Variants in SHISA9 observed in about 807,000 individuals in gnomAD.
SHISA9 encodes the protein protein shisa-9.
In SHISA9, 13 loss-of-function variants were observed where a neutral mutation model predicts 38.0. The ratio of observed to expected loss-of-function variants is 0.34; its 90% CI spans 0.22 to 0.54. The LOEUF (loss-of-function observed/expected upper bound fraction) is 0.54. Ranked by LOEUF, SHISA9 falls within the 20% of genes least tolerant of loss-of-function variation. SHISA9 has a pLI of 0.91. For missense variants in SHISA9, 538 were observed against 575.8 expected, an observed-to-expected ratio of 0.93 and a Z score of 0.67; for synonymous variants, 275 against 242.0, an observed-to-expected ratio of 1.14 and a Z score of -1.27.
intron 2 of SHISA9, among the ~76,000 whole-genome samples, chr16:13,029,483 T>C (rs371060740): frequency 6.6e-6 from 1 of 152,188 alleles, no homozygotes; most frequent in Non-Finnish European, 1.5e-5. Context: ...TGGCACACGC[T>C]TGTGGTCCGA....
chr16:13,203,656 G>T, intron 3 of SHISA9, 107 bp downstream of exon 3: 13 of 1,215,072 alleles, frequency 1.1e-5, no homozygotes, highest in South Asian at 4.3e-5. Context: ...CCTTTTTCTA[G>T]CTCTCTTTTT....
chr16:13,557,786 T>C, the SHISA9 span, among the ~76,000 whole-genome samples: 1 of 152,152 alleles, frequency 6.6e-6, no homozygotes, highest in Non-Finnish European at 1.5e-5. Flanking sequence ...AGGTCTGTCA[T>C]TCAAGATTCG....
At chr16:13,561,675 T>C in the SHISA9 span, among the ~76,000 whole-genome samples, 2 of 152,222 alleles carry the variant, frequency 1.3e-5, no homozygotes, top group Admixed American at 1.3e-4. Context: ...GCTCCATGAG[T>C]CTGCGGTGCC....
the SHISA9 span, among the ~76,000 whole-genome samples, chr16:13,531,331 C>T: frequency 1.1e-3 from 166 of 152,318 alleles, no homozygotes; most frequent in Non-Finnish European, 2.2e-3. Context: ...ATAAAAACAA[C>T]AGCAGCCACA....
At chr16:13,443,967 G>T in the SHISA9 span, among the ~76,000 whole-genome samples, 2 of 152,316 alleles carry the variant, frequency 1.3e-5, no homozygotes, top group Admixed American at 6.5e-5. Flanking sequence ...GCCTGGCAAG[G>T]CAATAATTGT....
the SHISA9 span, among the ~76,000 whole-genome samples, chr16:13,525,803 C>A: frequency 6.6e-6 from 1 of 152,202 alleles, no homozygotes; most frequent in African/African-American, 2.4e-5. Flanking sequence ...GGTTCACGTT[C>A]CACACTTTGG....
At chr16:13,125,821 A>G (rs916398093) in intron 2 of SHISA9, among the ~76,000 whole-genome samples, 1 of 152,196 alleles carries the variant, frequency 6.6e-6, no homozygotes, top group African/African-American at 2.4e-5. Flanking sequence ...TGCTCAAGAA[A>G]TATTTATTTG....
the SHISA9 span, among the ~76,000 whole-genome samples, chr16:13,556,990 T>A: frequency 1.3e-5 from 2 of 152,184 alleles, no homozygotes; most frequent in African/African-American, 4.8e-5. Flanking sequence ...GGTCCTGGAA[T>A]CAATCCCCTC....
At chr16:13,213,507 G>A (rs112408290) in intron 4 of SHISA9, among the ~76,000 whole-genome samples, 2 of 152,112 alleles carry the variant, frequency 1.3e-5, no homozygotes, top group South Asian at 2.1e-4. Flanking sequence ...GTTGGACAAC[G>A]TGGTAGCCCT....
Position 13,015,100 on chromosome 16 carries a change from C to T in SHISA9, c.691+98285C>T, listed in dbSNP as rs534178332. ...TCGTATGTGTAGGTATTGGGCTGTACGCTCTGTAGTTAGGAGTCAGCCACA... is the reference window on the plus strand; with the variant it reads ...TCGTATGTGTAGGTATTGGGCTGTATGCTCTGTAGTTAGGAGTCAGCCACA... On this transcript the variant is annotated intron_variant, in intron 2 of 4. Coordinates refer to ENST00000558583, the MANE Select transcript of SHISA9 (RefSeq NM_001145204.3). Among the ~76,000 whole-genome samples the T allele has an allele frequency of 1.3e-4, 20 of 152,300 alleles. No individual in the cohort carries two copies. The East Asian group carries it at 2.9e-3, about 22-fold the overall frequency.
intron 2 of SHISA9, among the ~76,000 whole-genome samples, chr16:13,098,931 G>A (rs2073852848): frequency 6.6e-6 from 1 of 152,228 alleles, no homozygotes; most frequent in South Asian, 2.1e-4. Context: ...AGTAAATAAA[G>A]GGATGAGTCA....
At chr16:13,044,936 T>C (rs1596608780) in intron 2 of SHISA9, among the ~76,000 whole-genome samples, 1 of 152,354 alleles carries the variant, frequency 6.6e-6, no homozygotes, top group East Asian at 1.9e-4. Context: ...TGAAAAGTGA[T>C]GTGCACATTC....
In SHISA9 at chr16:13,037,109, GACACACACACAC is replaced by G. The variant is rs1207707042; in HGVS notation, c.691+120331_691+120342del. ...CACACCACACACACACACACACACA[GACACACACACAC>G]ACACACACACACACACACACACACA... On this transcript the variant is annotated intron_variant, in intron 2 of 4. Transcript: ENST00000558583. Among the ~76,000 whole-genome samples the G allele has an allele frequency of 5.4e-3, 564 of 105,288 alleles. 15 individuals are homozygous for G. Among genetic ancestry groups the G allele is most frequent in the African/African-American group, 0.017 (474 of 28,466 alleles). The allele number at this position is 105,288 out of a possible 152,430, so 69.1% of individuals were successfully genotyped here.
At chr16:13,491,477 C>T in the SHISA9 span, among the ~76,000 whole-genome samples, 10 of 150,106 alleles carry the variant, frequency 6.7e-5, no homozygotes, top group East Asian at 8.1e-4. Context: ...GTAGCTTACT[C>T]ATAAGAGGGC....
At chr16:13,012,322 G>C (rs1278920058) in intron 2 of SHISA9, among the ~76,000 whole-genome samples, 1 of 152,142 alleles carries the variant, frequency 6.6e-6, no homozygotes, top group Non-Finnish European at 1.5e-5. Flanking sequence ...CTGCAGAAGT[G>C]ACCTGGGAGA....
intron 2 of SHISA9, among the ~76,000 whole-genome samples, chr16:13,199,935 C>A (rs1055070167): frequency 7.9e-5 from 12 of 152,276 alleles, no homozygotes; most frequent in African/African-American, 2.4e-4. Flanking sequence ...GTATCTCTGG[C>A]CACTGGAGCT....
intron 4 of SHISA9, among the ~76,000 whole-genome samples, chr16:13,231,693 G>A (rs1302240236): frequency 6.6e-6 from 1 of 152,206 alleles, no homozygotes; most frequent in Non-Finnish European, 1.5e-5. Context: ...GTGGCTTCCT[G>A]GGTTGTTTCC....
At chr16:13,073,965 T>TG (rs758193711) in intron 2 of SHISA9, among the ~76,000 whole-genome samples, 2,177 of 130,448 alleles carry the variant, frequency 0.017, 30 homozygotes, top group South Asian at 0.026. Flanking sequence ...TCGTTTTTTT[T>TG]TTTGTTTTTT....
the SHISA9 span, among the ~76,000 whole-genome samples, chr16:13,393,459 C>A: frequency 6.6e-5 from 10 of 152,128 alleles, no homozygotes; most frequent in Non-Finnish European, 1.5e-4. Flanking sequence ...ACTGATGTCA[C>A]CCCCTTCTTG....
Sources: allele counts gnomAD v4.1 joint callset (sites outside exome capture counted in the v4.1 genomes callset), GRCh38; gene constraint gnomAD v4.1.1; transcripts MANE v1.5; gene names NCBI Gene and HGNC (gene_info 2026-07-23, HGNC 2026-07-21).